The following PCDHA3 variants were observed in gnomAD, a reference collection of about 807,000 sequenced individuals.
PCDHA3 encodes the protein protocadherin alpha 3, also known as protocadherin alpha-3.
Under a neutral mutation model 62.2 loss-of-function variants are expected in PCDHA3, and 41 were observed. The observed-to-expected ratio is 0.66, with a 90% CI of 0.51 to 0.86. PCDHA3 has a LOEUF of 0.86. PCDHA3 is among the 40% of genes least tolerant of loss of function. The pLI, the probability that PCDHA3 is intolerant of heterozygous loss-of-function variation, is 0.00. For synonymous variants in PCDHA3, 640 were observed against 555.4 expected, an observed-to-expected ratio of 1.15 and a Z score of -2.14; for missense variants, 1,304 against 1,241.2, an observed-to-expected ratio of 1.05 and a Z score of -0.76.
chr5:140,807,713 G>A (rs782799049), intron 1 of PCDHA3: 4 of 1,614,204 alleles, frequency 2.5e-6, no homozygotes, highest in Non-Finnish European at 3.4e-6. Flanking sequence ...GAGCCCAAAT[G>A]AATACTTTTC....
intron 1 of PCDHA3, among the ~76,000 whole-genome samples, chr5:140,953,120 C>T (rs2094851215): frequency 6.6e-6 from 1 of 152,154 alleles, no homozygotes; most frequent in South Asian, 2.1e-4. Context: ...GGACACAGAT[C>T]TAAACCGTAT....
Position 140,858,148 on chromosome 5 carries a change from C to T in PCDHA3, c.2394+54557C>T, listed in dbSNP as rs189442889. The T allele has an allele frequency of 6.1e-4, 978 of 1,597,640 alleles. 22 individuals are homozygous for T. In the East Asian group the frequency reaches 0.021, roughly 34 times the overall value. On this transcript the variant is annotated intron_variant, in intron 1 of 3. Coordinates refer to ENST00000522353, the MANE Select transcript of PCDHA3 (RefSeq NM_018906.3). ...TGGATGTCAACGTGTACCTGATCAT[C>T]GCCATCTGCGCGGTGTCCAGCTTGC...
intron 1 of PCDHA3, chr5:140,966,642 GA>G (rs1563353190): frequency 3.1e-5 from 35 of 1,117,790 alleles, no homozygotes; most frequent in Non-Finnish European, 4.1e-5. Context: ...GCGCTTTCTA[GA>G]GCGTGAGCGG....
At position 140,802,625 on chromosome 5, in the gene PCDHA3, G is replaced by C; in HGVS notation, c.1428G>C (p.Thr476=). The C allele has an allele frequency of 6.2e-7, 1 of 1,613,960 alleles. No individual in the cohort carries two copies. The highest frequency in any genetic ancestry group is 8.5e-7 in the Non-Finnish European group (1 of 1,179,928). Residue 476 remains threonine, a synonymous_variant, in exon 1 of 4, where the codon ACG becomes ACC. Coordinates refer to ENST00000522353, the MANE Select transcript of PCDHA3 (RefSeq NM_018906.3). ...ACCCGCCGGGCTGCCACATCTTCAC[G>C]GTGTCTGCGCGGGACGCGGACGCGC... ...ENNPPGCHIF[T]VSARDADAQE...
At chr5:140,880,628 A>T (rs566696364) in intron 1 of PCDHA3, among the ~76,000 whole-genome samples, 46 of 152,352 alleles carry the variant, frequency 3.0e-4, no homozygotes, top group Non-Finnish European at 4.4e-5. Flanking sequence ...GGAGTTAATT[A>T]TCAATTCACT....
intron 1 of PCDHA3, among the ~76,000 whole-genome samples, chr5:140,879,613 T>C (rs2058057940): frequency 6.6e-6 from 1 of 152,200 alleles, no homozygotes; most frequent in Non-Finnish European, 1.5e-5. Context: ...TGTGTCCAGG[T>C]ACTTAGGTGG....
rs150360427 is a variant in PCDHA3 at position 140,892,912 on chromosome 5, T to C, written c.2395-86037T>C. Among the ~76,000 whole-genome samples, 3 of 152,298 alleles carry C rather than the reference T, an allele frequency of 2.0e-5. No homozygotes were observed. In the East Asian group the frequency reaches 5.8e-4, roughly 29 times the overall value. Reference sequence around the variant, plus strand: ...CAACCTTTCCCCATCCTCCTTTTCCTTCACCCTTCCCAGCCTCTGATAAGC... The same window carrying C: ...CAACCTTTCCCCATCCTCCTTTTCCCTCACCCTTCCCAGCCTCTGATAAGC... On this transcript the variant is annotated intron_variant, in intron 1 of 3. Coordinates refer to ENST00000522353, the MANE Select transcript of PCDHA3 (RefSeq NM_018906.3).
At chr5:140,804,626 C>G (rs1291437909) in intron 1 of PCDHA3, 1 of 153,262 alleles carries the variant, frequency 6.5e-6, no homozygotes, top group Non-Finnish European at 1.5e-5. Context: ...GTTAACTTCT[C>G]TGAATAGCAT....
chr5:140,975,149 T>A (rs990599895), intron 1 of PCDHA3, among the ~76,000 whole-genome samples: 1 of 152,202 alleles, frequency 6.6e-6, no homozygotes, highest in Non-Finnish European at 1.5e-5. Flanking sequence ...CACTCTCAGT[T>A]CCTAGAGAAC....
chr5:140,935,894 CT>C (rs55841305), intron 1 of PCDHA3, among the ~76,000 whole-genome samples: 1,605 of 136,716 alleles, frequency 0.012, 14 homozygotes, highest in Non-Finnish European at 0.016. Context: ...TCAATATTAT[CT>C]TTTTTTTTTT....
At chr5:140,923,020 G>A (rs946669637) in intron 1 of PCDHA3, among the ~76,000 whole-genome samples, 6 of 152,228 alleles carry the variant, frequency 3.9e-5, no homozygotes, top group Admixed American at 1.3e-4. Context: ...CTGCAGTTTC[G>A]GACTCTATTA....
At chr5:140,823,054 C>A (rs2150121717) in intron 1 of PCDHA3, 2 of 1,614,154 alleles carry the variant, frequency 1.2e-6, no homozygotes, top group East Asian at 2.2e-5. Context: ...GGTGACCGCG[C>A]GGGACGGGGG....
At chr5:140,971,630 C>A (rs1281130153) in intron 1 of PCDHA3, among the ~76,000 whole-genome samples, 1 of 151,972 alleles carries the variant, frequency 6.6e-6, no homozygotes, top group Non-Finnish European at 1.5e-5. Context: ...ACAATTAGTA[C>A]CATGTGCCTA....
chr5:140,945,534 TACAA>T (rs1326981055), intron 1 of PCDHA3, among the ~76,000 whole-genome samples: 1 of 151,454 alleles, frequency 6.6e-6, no homozygotes, highest in African/African-American at 2.4e-5. Flanking sequence ...AAACAAAACA[TACAA>T]ACAAAAAAAT....
At chr5:140,941,224 T>TTTCTTTC in intron 1 of PCDHA3, among the ~76,000 whole-genome samples, 1 of 137,372 alleles carries the variant, frequency 7.3e-6, no homozygotes, top group Non-Finnish European at 1.6e-5. Flanking sequence ...CCTTTCTTTC[T>TTTCTTTC]TTCTTTCTTT....
chr5:140,988,658 T>C (rs1470835683), intron 3 of PCDHA3, among the ~76,000 whole-genome samples: 7 of 152,232 alleles, frequency 4.6e-5, no homozygotes, highest in African/African-American at 9.6e-5. Flanking sequence ...TTTTTGTTTA[T>C]GAATAGACTC....
In PCDHA3 at chr5:140,808,691, C is replaced by T. The variant is rs140993559; in HGVS notation, c.2394+5100C>T. On this transcript the variant is annotated intron_variant, in intron 1 of 3. Transcript: ENST00000522353. Reference sequence around the variant, plus strand: ...GCTGGTAGAGCGGCGGGTAGGGGAGCGCGCGCTGTCGAGCTACGTTTCGGT... The same window carrying T: ...GCTGGTAGAGCGGCGGGTAGGGGAGTGCGCGCTGTCGAGCTACGTTTCGGT... 8.2e-5 allele frequency: 132 copies of T among 1,611,952 alleles called. No homozygotes were observed. The highest frequency in any genetic ancestry group is 8.0e-4 in the African/African-American group (60 of 74,870).
rs782468153 is a variant in PCDHA3, at chr5:140,858,011, G to A, written c.2394+54420G>A. ...ACTGGTGCTGGTGAAGGACCATGGCGAGCCGTCGCTGACGGCCACGGCCAC... is the reference window on the plus strand; with the variant it reads ...ACTGGTGCTGGTGAAGGACCATGGCAAGCCGTCGCTGACGGCCACGGCCAC... On this transcript the variant is annotated intron_variant, in intron 1 of 3. Transcript: ENST00000522353. 1.1e-5 allele frequency: 18 copies of A among 1,596,704 alleles called. 1 individual carries two copies. Among genetic ancestry groups the A allele is most frequent in the Non-Finnish European group, 1.5e-5 (17 of 1,167,106 alleles).
intron 2 of PCDHA3, among the ~76,000 whole-genome samples, chr5:140,980,402 T>G (rs1019891422): frequency 2.0e-5 from 3 of 152,020 alleles, no homozygotes; most frequent in African/African-American, 7.2e-5. Context: ...GAGGCCGAGG[T>G]GGGCAGATCA....
Sources: gnomAD v4.1 joint callset for allele counts (sites outside exome capture counted in the v4.1 genomes callset) on GRCh38, gnomAD v4.1.1 for gene constraint, MANE v1.5 for transcripts, NCBI Gene and HGNC (gene_info 2026-07-23, HGNC 2026-07-21) for gene names.